Variants in EIPR1 observed in about 807,000 individuals in gnomAD.
The protein encoded by EIPR1 is EARP and GARP complex-interacting protein 1.
Under a neutral mutation model 48.1 loss-of-function variants are expected in EIPR1, and 25 were observed. The observed-to-expected ratio is 0.52, with a 90% CI of 0.38 to 0.73. The LOEUF (loss-of-function observed/expected upper bound fraction) is 0.73, where lower values mean the gene tolerates loss of function less well. EIPR1 is among the 30% of genes least tolerant of loss of function. The pLI is 0.00. For synonymous variants in EIPR1, 204 were observed against 201.9 expected (o/e 1.01, Z -0.09); for missense variants, 415 against 506.2 (o/e 0.82, Z 1.73).
chr2:3,289,304 C>T (rs1359048042), intron 3 of EIPR1, among the ~76,000 whole-genome samples: 3 of 152,144 alleles, frequency 2.0e-5, no homozygotes, highest in Admixed American at 6.5e-5. Flanking sequence ...CAAAGAACGC[C>T]GAGCTCAGGG....
At chr2:3,191,895 G>A (rs1664617501) in intron 8 of EIPR1, among the ~76,000 whole-genome samples, 1 of 152,230 alleles carries the variant, frequency 6.6e-6, no homozygotes, top group Admixed American at 6.5e-5. Flanking sequence ...ACCACATTTT[G>A]TAGAGTATCT....
chr2:3,279,613 A>G (rs1304968466), intron 3 of EIPR1, among the ~76,000 whole-genome samples: 1 of 152,246 alleles, frequency 6.6e-6, no homozygotes, highest in African/African-American at 2.4e-5. Context: ...ATGAATGCAC[A>G]TATCATGCAG....
chr2:3,367,167 C>T (rs1670995538), intron 1 of EIPR1, among the ~76,000 whole-genome samples: 1 of 151,580 alleles, frequency 6.6e-6, no homozygotes, highest in African/African-American at 2.4e-5. Flanking sequence ...AGACTTCACT[C>T]CTCTACAGAA....
chr2:3,333,434 C>G (rs755563742), intron 3 of EIPR1, among the ~76,000 whole-genome samples: 3 of 152,138 alleles, frequency 2.0e-5, no homozygotes, highest in Non-Finnish European at 4.4e-5. Flanking sequence ...CCTTTCCTCC[C>G]CATAAGATAA....
chr2:3,274,331 A>C, intron 3 of EIPR1: 1 of 1,550,548 alleles, frequency 6.4e-7, no homozygotes, highest in Non-Finnish European at 8.7e-7. Flanking sequence ...ACAAAGACAG[A>C]AACTTACAGG....
Position 3,377,784 on chromosome 2 carries a change from A to G in EIPR1, c.-95T>C, listed in dbSNP as rs1306791753. On this transcript the variant is annotated 5_prime_UTR_variant, in exon 1 of 9. It removes an upstream start codon present in the reference 5' UTR. Coordinates refer to ENST00000382125, the MANE Select transcript of EIPR1 (RefSeq NM_003310.5). ...CCTCGCGGGCGTGTTCCCAGCGCCC[A>G]TTCATTCCCTCCCCGCAGCAAACGA... The G allele has an allele frequency of 4.5e-6, 6 of 1,342,556 alleles. No homozygotes were observed. The highest frequency in any genetic ancestry group is 2.2e-4 in the Middle Eastern group (1 of 4,568). The allele number at this position is 1,342,556 out of a possible 1,614,324, so 83.2% of individuals were successfully genotyped here.
intron 3 of EIPR1, among the ~76,000 whole-genome samples, chr2:3,262,927 G>A (rs1165105014): frequency 1.3e-5 from 2 of 152,170 alleles, no homozygotes; most frequent in African/African-American, 4.8e-5. Flanking sequence ...GACAGAGTCA[G>A]GCAGGACCAG....
At chr2:3,307,366 C>A (rs1668979254) in intron 3 of EIPR1, among the ~76,000 whole-genome samples, 1 of 152,214 alleles carries the variant, frequency 6.6e-6, no homozygotes, top group Admixed American at 6.5e-5. Flanking sequence ...CCTAATGTCT[C>A]CCGGCCCCAA....
At chr2:3,371,070 T>C (rs904726507) in intron 1 of EIPR1, among the ~76,000 whole-genome samples, 41 of 152,068 alleles carry the variant, frequency 2.7e-4, no homozygotes, top group African/African-American at 9.2e-4. Context: ...CAGGAGAGAG[T>C]AGGGGCCAAT....
intron 3 of EIPR1, among the ~76,000 whole-genome samples, chr2:3,258,557 T>C (rs1387325834): frequency 6.6e-6 from 1 of 152,142 alleles, no homozygotes; most frequent in African/African-American, 2.4e-5. Flanking sequence ...CATTACAAAA[T>C]AACAACGACC....
intron 1 of EIPR1, among the ~76,000 whole-genome samples, chr2:3,366,933 T>A (rs1411698957): frequency 1.1e-4 from 17 of 152,074 alleles, no homozygotes. Flanking sequence ...CACACCCAGC[T>A]ACTCAGGAGG....
At chr2:3,320,677 T>C (rs1282996678) in intron 3 of EIPR1, 2 of 152,240 alleles carry the variant, frequency 1.3e-5, no homozygotes, top group Non-Finnish European at 2.9e-5. Flanking sequence ...CTCAGGTGAA[T>C]TGATATTTCA....
At chr2:3,235,027 A>G (rs192893468) in intron 4 of EIPR1, among the ~76,000 whole-genome samples, 4 of 152,364 alleles carry the variant, frequency 2.6e-5, no homozygotes, top group Non-Finnish European at 5.9e-5. Flanking sequence ...GAATTTCAGC[A>G]AGGTAATTAT....
Position 3,377,803 on chromosome 2 carries a change from C to G in EIPR1, c.-114G>C. On this transcript the variant is annotated 5_prime_UTR_variant, in exon 1 of 9. Transcript: ENST00000382125. The stretch of plus-strand genomic sequence containing the variant: ...GCGCCCATTCATTCCCTCCCCGCAG[C>G]AAACGACTCCAAACTGGAAGTCTTT... 2.4e-6 allele frequency: 2 copies of G among 819,706 alleles called. No individual in the cohort carries two copies. The highest frequency in any genetic ancestry group is 3.8e-6 in the Non-Finnish European group (2 of 527,376). The allele number at this position is 819,706 out of a possible 1,614,324, so 50.8% of individuals were successfully genotyped here.
At chr2:3,214,107 TA>T in intron 5 of EIPR1, 41 bp downstream of exon 5, 2 of 1,587,870 alleles carry the variant, frequency 1.3e-6, no homozygotes, top group Non-Finnish European at 1.7e-6. Flanking sequence ...GGGTTTGGTT[TA>T]AAAATACAGA....
intron 3 of EIPR1, among the ~76,000 whole-genome samples, chr2:3,337,149 G>A (rs1215544387): frequency 2.0e-5 from 3 of 150,078 alleles, no homozygotes; most frequent in South Asian, 2.1e-4. Context: ...GGAAGGGAAG[G>A]GAAAAGGGAA....
chr2:3,218,085 G>A (rs933686968), intron 4 of EIPR1, among the ~76,000 whole-genome samples: 19 of 151,948 alleles, frequency 1.3e-4, no homozygotes, highest in African/African-American at 4.4e-4. Context: ...GCATGGCCCC[G>A]ATACACTCTA....
At chr2:3,349,216 C>T (rs920535481) in intron 2 of EIPR1, among the ~76,000 whole-genome samples, 7 of 152,180 alleles carry the variant, frequency 4.6e-5, no homozygotes, top group African/African-American at 7.2e-5. Flanking sequence ...TTCTGCCACG[C>T]ACCAGCTCCA....
intron 1 of EIPR1, among the ~76,000 whole-genome samples, chr2:3,369,672 G>A (rs11898123): frequency 0.011 from 1,650 of 152,250 alleles, 26 homozygotes; most frequent in African/African-American, 0.037. Context: ...AGGTGGCAGC[G>A]AGGCTGGGGG....
Sources: allele counts gnomAD v4.1 joint callset (sites outside exome capture counted in the v4.1 genomes callset), GRCh38; gene constraint gnomAD v4.1.1; transcripts MANE v1.5; gene names NCBI Gene and HGNC (gene_info 2026-07-23, HGNC 2026-07-21).